XRCC6: variants seen among roughly 807,000 people sequenced by gnomAD.
XRCC6 encodes DNA repair protein Ku70.
In XRCC6, 5 loss-of-function variants were observed where a neutral mutation model predicts 65.7. The observed-to-expected ratio is 0.08, with a 90% confidence interval of 0.04 to 0.16. The LOEUF is 0.16. XRCC6 is among the 10% of genes least tolerant of loss of function. The probability of loss-of-function intolerance (pLI) is 1.00; values close to 1 mark genes in which losing one functional copy is unlikely to be tolerated. For synonymous variants in XRCC6, 270 were observed against 270.6 expected (o/e 1.00, Z 0.02); for missense variants, 447 against 738.1 (o/e 0.61, Z 4.57).
At chr22:41,649,005 A>AAAC (rs16384) in intron 7 of XRCC6, among the ~76,000 whole-genome samples, 126,465 of 150,898 alleles carry the variant, frequency 0.84, 53,893 homozygotes, top group African/African-American at 0.95. Context: ...TTGGAGGCTG[A>AAAC]AGGAGGATCA....
intron 8 of XRCC6, among the ~76,000 whole-genome samples, chr22:41,651,479 C>T (rs2067996035): frequency 7.9e-6 from 1 of 126,874 alleles, no homozygotes; most frequent in South Asian, 2.8e-4. Context: ...GCAACATCTG[C>T]CTCCCGGGTG....
At chr22:41,626,061 A>G (rs1212722774) in intron 2 of XRCC6, among the ~76,000 whole-genome samples, 2 of 151,642 alleles carry the variant, frequency 1.3e-5, no homozygotes, top group Admixed American at 6.6e-5. Flanking sequence ...GATGGTCTCA[A>G]TCTCTTGACC....
At chr22:41,626,290 G>T (rs2067671192) in intron 2 of XRCC6, among the ~76,000 whole-genome samples, 1 of 150,764 alleles carries the variant, frequency 6.6e-6, no homozygotes, top group African/African-American at 2.4e-5. Flanking sequence ...TTACAGGCAT[G>T]CGCCACTACA....
intron 6 of XRCC6, among the ~76,000 whole-genome samples, chr22:41,639,899 C>G (rs1352987192): frequency 6.6e-6 from 1 of 151,634 alleles, no homozygotes; most frequent in African/African-American, 2.4e-5. Context: ...ACCTCGTGAT[C>G]CGCCCGCCTC....
chr22:41,649,742 C>G (rs978850546), intron 7 of XRCC6, among the ~76,000 whole-genome samples: 1 of 151,752 alleles, frequency 6.6e-6, no homozygotes, highest in Non-Finnish European at 1.5e-5. Flanking sequence ...ATAGTCCCAG[C>G]TACTCGTGGG....
intron 2 of XRCC6, among the ~76,000 whole-genome samples, chr22:41,622,824 A>G (rs1396746103): frequency 6.6e-6 from 1 of 151,978 alleles, no homozygotes; most frequent in Non-Finnish European, 1.5e-5. Flanking sequence ...GGTCGCCTGT[A>G]GTCCCAGCTG....
Position 41,663,975 on chromosome 22 carries a change from T to C in XRCC6, c.*160T>C. The C allele has an allele frequency of 1.3e-6, 1 of 763,714 alleles. No individual in the cohort carries two copies. The highest frequency in any genetic ancestry group is 2.1e-6 in the Non-Finnish European group (1 of 477,356). The allele number at this position is 763,714 out of a possible 1,614,324, so 47.3% of individuals were successfully genotyped here. On this transcript the variant is annotated 3_prime_UTR_variant, in exon 13 of 13. Transcript: ENST00000360079. ...AGGCTTTCTGTTGCCATGGTGATGG[T>C]GTAGCCCTCCCACTTTGCTGTTCCT...
At chr22:41,631,825 C>T (rs1353312189) in intron 3 of XRCC6, among the ~76,000 whole-genome samples, 1 of 152,090 alleles carries the variant, frequency 6.6e-6, no homozygotes, top group East Asian at 1.9e-4. Flanking sequence ...CACTGTACTC[C>T]AGCCTGGGCA....
At position 41,649,139 on chromosome 22, in the gene XRCC6, A is replaced by AAAATATAT; in HGVS notation, c.961-1583_961-1582insAATATATA. On this transcript the variant is annotated intron_variant, in intron 7 of 12. Transcript: ENST00000360079. ...GGGAAGAGAGTACAAAAAAAAAAAA[A>AAAATATAT]ATATATATATATATATATATATATG... Among the ~76,000 whole-genome samples, 346 of 88,694 alleles carry AAAATATAT rather than the reference A, an allele frequency of 3.9e-3. 3 individuals carry two copies. The highest frequency in any genetic ancestry group is 6.3e-3 in the Non-Finnish European group (305 of 48,246). The allele number at this position is 88,694 out of a possible 152,430, so 58.2% of individuals were successfully genotyped here.
chr22:41,636,030 A>T (rs2067805734), intron 3 of XRCC6, 83 bp from the exon 4 acceptor site: 13 of 1,285,334 alleles, frequency 1.0e-5, no homozygotes, highest in Non-Finnish European at 1.2e-5. Context: ...CAGTGCACAT[A>T]TTTTGAGCAA....
chr22:41,631,236 C>T (rs1206206344), intron 3 of XRCC6, among the ~76,000 whole-genome samples: 9 of 151,046 alleles, frequency 6.0e-5, no homozygotes, highest in African/African-American at 1.9e-4. Context: ...CGCCCCTCAC[C>T]TCCCGGATGG....
chr22:41,640,347 C>T (rs1273395721), intron 6 of XRCC6, among the ~76,000 whole-genome samples: 4 of 152,074 alleles, frequency 2.6e-5, no homozygotes, highest in East Asian at 1.9e-4. Context: ...GACGGGGTTT[C>T]ACCGTGTTAG....
At chr22:41,660,409 A>G (rs778917624) in intron 11 of XRCC6, among the ~76,000 whole-genome samples, 2 of 152,006 alleles carry the variant, frequency 1.3e-5, no homozygotes, top group East Asian at 1.9e-4. Flanking sequence ...ATCCTATTCT[A>G]TCAGTAAGTC....
chr22:41,636,038 C>A, intron 3 of XRCC6, 75 bp from the exon 4 acceptor site: 1 of 1,335,168 alleles, frequency 7.5e-7, no homozygotes. Flanking sequence ...ATATTTTGAG[C>A]AACTAATAGG....
chr22:41,643,370 C>T (rs1159486590), intron 6 of XRCC6, among the ~76,000 whole-genome samples: 1 of 151,974 alleles, frequency 6.6e-6, no homozygotes, highest in Non-Finnish European at 1.5e-5. Flanking sequence ...GATCACACCA[C>T]TGCACTCCAG....
At chr22:41,645,810 C>T (rs2067926036) in intron 6 of XRCC6, among the ~76,000 whole-genome samples, 2 of 151,628 alleles carry the variant, frequency 1.3e-5, no homozygotes, top group South Asian at 2.1e-4. Flanking sequence ...ATTCTCCTGC[C>T]TCAGCCTCCC....
chr22:41,636,798 T>C (rs1225801074), intron 5 of XRCC6, 28 bp downstream of exon 5: 1 of 1,599,576 alleles, frequency 6.3e-7, no homozygotes, highest in Non-Finnish European at 8.5e-7. Flanking sequence ...TTCTCTTAAA[T>C]TGGCACTTAA....
chr22:41,641,906 C>T (rs2067881839), intron 6 of XRCC6, among the ~76,000 whole-genome samples: 1 of 152,128 alleles, frequency 6.6e-6, no homozygotes, highest in Non-Finnish European at 1.5e-5. Context: ...AGTTCTCCTG[C>T]AGCCTCCCAA....
intron 2 of XRCC6, among the ~76,000 whole-genome samples, chr22:41,623,446 G>GT (rs1207989794): frequency 6.6e-6 from 1 of 151,766 alleles, no homozygotes; most frequent in East Asian, 1.9e-4. Context: ...GGAGTGCAGT[G>GT]GCGCGATCTT....
Sources: gnomAD v4.1 joint callset for allele counts (sites outside exome capture counted in the v4.1 genomes callset) on GRCh38, gnomAD v4.1.1 for gene constraint, MANE v1.5 for transcripts, NCBI Gene and HGNC (gene_info 2026-07-23, HGNC 2026-07-21) for gene names.